USP47: variants seen among roughly 807,000 people sequenced by gnomAD.
USP47 encodes the protein ubiquitin specific peptidase 47.
Under a neutral mutation model 165.1 loss-of-function variants are expected in USP47, and 35 were observed. The observed-to-expected ratio is 0.21, with a 90% confidence interval of 0.16 to 0.28. The LOEUF is 0.28. USP47 is among the 10% of genes least tolerant of loss of function. USP47 has a pLI of 1.00. For synonymous variants in USP47, 531 were observed against 544.5 expected, an observed-to-expected ratio of 0.98 and a Z score of 0.35; for missense variants, 1,277 against 1,607.4, an observed-to-expected ratio of 0.79 and a Z score of 3.52.
intron 3 of USP47, among the ~76,000 whole-genome samples, chr11:11,887,604 T>TA (rs776976568): frequency 6.6e-6 from 1 of 152,094 alleles, no homozygotes; most frequent in Non-Finnish European, 1.5e-5. Context: ...AAAAGAGACT[T>TA]ACACTCCCAC....
At position 11,914,625 on chromosome 11, in the gene USP47, G is replaced by C. The variant is rs190372861; in HGVS notation, c.970-5531G>C. Among the ~76,000 whole-genome samples the C allele has an allele frequency of 2.6e-5, 4 of 151,790 alleles. No homozygotes were observed. In the East Asian group the frequency reaches 7.7e-4, roughly 29 times the overall value. The stretch of plus-strand genomic sequence containing the variant: ...AGACATATTTGCAAGCTGTCTATCT[G>C]ACAAAGGACTCATATCTAGAATATA... On this transcript the variant is annotated intron_variant, in intron 8 of 27. Transcript: ENST00000527733.
chr11:11,897,467 A>G (rs1203190138), intron 4 of USP47, 130 bp from the exon 5 acceptor site: 1 of 649,500 alleles, frequency 1.5e-6, no homozygotes, highest in African/African-American at 1.8e-5. Context: ...CTGTTGAACA[A>G]GTTGAAATAA....
Position 11,922,731 on chromosome 11 carries a change from C to A in USP47, c.1226C>A (p.Pro409His). 6.2e-7 allele frequency: 1 copy of A among 1,607,736 alleles called. No individual in the cohort carries two copies. Among genetic ancestry groups the A allele is most frequent in the Non-Finnish European group, 8.5e-7 (1 of 1,176,174 alleles). The part of the protein sequence containing the change: ...TFIDVEDEKS[P>H]QTESCTDSGA... Reference sequence around the variant, plus strand: ...TAATTATGTCTTATTAAGAAATCTCCTCAGACTGAAAGTTGCACTGACAGT... The same window carrying A: ...TAATTATGTCTTATTAAGAAATCTCATCAGACTGAAAGTTGCACTGACAGT... Residue 409 changes from proline to histidine, a missense_variant, in exon 11 of 28, where the codon CCT becomes CAT. Pro to His is a moderately conservative substitution (Grantham distance 77, BLOSUM62 -2). Around this residue, in one of 4 missense-constraint regions of USP47, gnomAD observed 175 missense variants for 295.8 expected, o/e 0.59. Transcript: ENST00000527733.
chr11:11,959,527 G>C lies in USP47; in HGVS notation c.*3352G>C, dbSNP rs1175910552. On this transcript the variant is annotated 3_prime_UTR_variant, in exon 28 of 28. Coordinates refer to ENST00000527733, the MANE Select transcript of USP47 (RefSeq NM_001282659.2). ...ACCTAGGTTTAGTGTACATGAAATT[G>C]GAAGATGCTTCTTGATTGTAGTTCC... Among the ~76,000 whole-genome samples, 2 of 152,132 alleles carry C rather than the reference G, an allele frequency of 1.3e-5. No individual in the cohort carries two copies. Among genetic ancestry groups the C allele is most frequent in the African/African-American group, 4.8e-5 (2 of 41,434 alleles).
intron 1 of USP47, among the ~76,000 whole-genome samples, chr11:11,877,723 T>G (rs141234433): frequency 2.0e-5 from 3 of 152,142 alleles, no homozygotes; most frequent in East Asian, 3.9e-4. Context: ...AGCATGTGTA[T>G]TCTAATCCAG....
chr11:11,916,147 A>G (rs1853401385), intron 8 of USP47, among the ~76,000 whole-genome samples: 1 of 152,186 alleles, frequency 6.6e-6, no homozygotes, highest in Admixed American at 6.5e-5. Flanking sequence ...TCTGAAAATT[A>G]TAGTGTAAAA....
At chr11:11,866,182 T>C (rs1849667546) in intron 1 of USP47, among the ~76,000 whole-genome samples, 2 of 152,304 alleles carry the variant, frequency 1.3e-5, no homozygotes, top group African/African-American at 4.8e-5. Context: ...TTAGTTAATC[T>C]TTGTAGCTAT....
At chr11:11,955,219 A>C (rs903601629) in intron 27 of USP47, 55 bp downstream of exon 27, 4 of 1,571,210 alleles carry the variant, frequency 2.5e-6, no homozygotes, top group African/African-American at 2.7e-5. Flanking sequence ...GCGTGCATAC[A>C]TATCTTATTT....
In USP47 at chr11:11,960,520, T is replaced by G. The variant is rs1284288465; in HGVS notation, c.*4345T>G. Among the ~76,000 whole-genome samples, 2 of 152,156 alleles carry G rather than the reference T, an allele frequency of 1.3e-5. No individual in the cohort carries two copies. The highest frequency in any genetic ancestry group is 4.8e-5 in the African/African-American group (2 of 41,444). ...CCCTACCAAGTCTTCAACCCTCAAT[T>G]TGATCTTCCATGAGTGTCTCAAAAA... On this transcript the variant is annotated 3_prime_UTR_variant, in exon 28 of 28. Coordinates refer to ENST00000527733, the MANE Select transcript of USP47 (RefSeq NM_001282659.2).
chr11:11,915,853 C>T (rs1272941876), intron 8 of USP47, among the ~76,000 whole-genome samples: 1 of 152,028 alleles, frequency 6.6e-6, no homozygotes, highest in Non-Finnish European at 1.5e-5. Flanking sequence ...GGAAATAATT[C>T]TCAGTGGTGG....
At chr11:11,856,637 A>G (rs993286180) in intron 1 of USP47, 1 of 152,200 alleles carries the variant, frequency 6.6e-6, no homozygotes, top group African/African-American at 2.4e-5. Context: ...GGAAGTATAG[A>G]TCTGTTTTGA....
intron 1 of USP47, among the ~76,000 whole-genome samples, chr11:11,877,866 C>T (rs893831851): frequency 4.4e-5 from 5 of 113,382 alleles, no homozygotes; most frequent in East Asian, 3.2e-4. Flanking sequence ...TGTGCGCGCG[C>T]GCAGATAAGA....
At position 11,936,382 on chromosome 11, in the gene USP47, G is replaced by T. The variant is rs370810608; in HGVS notation, c.1949G>T (p.Arg650Leu). The change falls in exon 17 of 28, where the codon CGG becomes CTG. Residue 650 changes from arginine (R) to leucine (L), a missense_variant. Coordinates refer to ENST00000527733, the MANE Select transcript of USP47 (RefSeq NM_001282659.2). ...GATGAGTTTCATGATTATCTAGAACGGTCATATGAAGGAGAAGAAGATACA... is the reference window on the plus strand; with the variant it reads ...GATGAGTTTCATGATTATCTAGAACTGTCATATGAAGGAGAAGAAGATACA... ...KYDEFHDYLE[R>L]SYEGEEDTPM... is the part of the protein sequence containing the mutation. 12 of 1,609,904 alleles carry T rather than the reference G, an allele frequency of 7.5e-6. No individual in the cohort carries two copies. Among genetic ancestry groups the T allele is most frequent in the Non-Finnish European group, 8.5e-6 (10 of 1,177,432 alleles).
At chr11:11,944,362 TTG>T (rs1489573846) in intron 20 of USP47, among the ~76,000 whole-genome samples, 1 of 152,034 alleles carries the variant, frequency 6.6e-6, no homozygotes, top group Non-Finnish European at 1.5e-5. Flanking sequence ...GTATTTAAAT[TTG>T]TGTTTTTAAC....
At chr11:11,931,317 A>G (rs772058872) in intron 14 of USP47, among the ~76,000 whole-genome samples, 3 of 152,128 alleles carry the variant, frequency 2.0e-5, no homozygotes, top group Admixed American at 6.6e-5. Context: ...GGTGAATTCA[A>G]TTGGTACAAG....
rs766136360 is a variant in USP47 at position 11,950,494 on chromosome 11, A to G, written c.3583+12A>G. On this transcript the variant is annotated intron_variant, in intron 24 of 27. Transcript: ENST00000527733. Reference sequence around the variant, plus strand: ...TGAAGTTCTTGATGGTATTTTCAATATTTTTGGGGGGAAGTATCAGTTAGA... The same window carrying G: ...TGAAGTTCTTGATGGTATTTTCAATGTTTTTGGGGGGAAGTATCAGTTAGA... 2.6e-6 allele frequency: 4 copies of G among 1,554,306 alleles called. No homozygotes were observed. The African/African-American group carries it at 5.5e-5, about 21-fold the overall frequency.
intron 1 of USP47, among the ~76,000 whole-genome samples, chr11:11,848,469 C>T (rs781637465): frequency 3.9e-5 from 6 of 152,158 alleles, no homozygotes; most frequent in Non-Finnish European, 7.3e-5. Context: ...TGATTGTTGA[C>T]CAAAATGTCT....
rs1038064927 is a variant in USP47 at position 11,952,890 on chromosome 11, A to G, written c.3714+19A>G. ...AGAGAAGGTAAGTTCATTTTAAACAAAACATGTATCTTATGTTGTATATGT... is the reference window on the plus strand; with the variant it reads ...AGAGAAGGTAAGTTCATTTTAAACAGAACATGTATCTTATGTTGTATATGT... On this transcript the variant is annotated intron_variant, in intron 25 of 27. Transcript: ENST00000527733. 34 of 1,578,336 alleles carry G rather than the reference A, an allele frequency of 2.2e-5. No individual in the cohort carries two copies. The highest frequency in any genetic ancestry group is 1.8e-5 in the Admixed American group (1 of 56,924).
In USP47 at chr11:11,887,124, A is replaced by G. The variant is rs143364027; in HGVS notation, c.357+2544A>G. Among the ~76,000 whole-genome samples the G allele has an allele frequency of 2.8e-3, 434 of 152,322 alleles. 10 individuals are homozygous for G. The highest frequency in any genetic ancestry group is 4.9e-4 in the Non-Finnish European group (33 of 68,022). ...GAAAAACTGTTACCAGCCAGTACAAAAATACACTGAAGTACACAGACCAGT... is the reference window on the plus strand; with the variant it reads ...GAAAAACTGTTACCAGCCAGTACAAGAATACACTGAAGTACACAGACCAGT... On this transcript the variant is annotated intron_variant, in intron 3 of 27. Coordinates refer to ENST00000527733, the MANE Select transcript of USP47 (RefSeq NM_001282659.2).
Sources: allele counts gnomAD v4.1 joint callset (sites outside exome capture counted in the v4.1 genomes callset), GRCh38; gene constraint gnomAD v4.1.1; regional missense constraint gnomAD v4.1.1; transcripts MANE v1.5; gene names NCBI Gene and HGNC (gene_info 2026-07-23, HGNC 2026-07-21).